DMXL1: variants seen among roughly 807,000 people sequenced by gnomAD.
The protein encoded by DMXL1 is dmX-like protein 1.
DMXL1 carries 99 observed loss-of-function variants against 319.2 expected under a neutral mutation model. The ratio of observed to expected loss-of-function variants is 0.31; its 90% CI spans 0.26 to 0.37. The LOEUF is 0.37. DMXL1 is among the 10% of genes least tolerant of loss of function. The pLI is 1.00. For missense variants in DMXL1, 3,745 were observed against 3,595.6 expected (o/e 1.04, Z -1.06); for synonymous variants, 1,385 against 1,235.2 (o/e 1.12, Z -2.54).
chr5:119,089,263 C>CATAT (rs577898951), intron 1 of DMXL1, among the ~76,000 whole-genome samples: 94 of 80,880 alleles, frequency 1.2e-3, no homozygotes, highest in African/African-American at 4.4e-3. Flanking sequence ...ATTATATATG[C>CATAT]ATATATATAT....
intron 1 of DMXL1, among the ~76,000 whole-genome samples, chr5:119,091,433 A>C (rs920265691): frequency 6.6e-6 from 1 of 152,016 alleles, no homozygotes; most frequent in Non-Finnish European, 1.5e-5. Flanking sequence ...CCTGGTTTCA[A>C]ACTCCTAGGC....
intron 2 of DMXL1, 82 bp downstream of exon 2, chr5:119,098,186 T>A (rs1756415957): frequency 2.1e-6 from 3 of 1,460,204 alleles, no homozygotes; most frequent in Admixed American, 2.4e-5. Context: ...TATTTCCTAT[T>A]GAATTAGAGA....
chr5:119,071,433 G>A lies in DMXL1; in HGVS notation c.-137G>A. ...CGCGGGCCCCAGCTGAGCGGCTCCG[G>A]CTCCAGGCGCCTGTCGCTGCTTCTG... is the stretch of plus-strand genomic sequence containing the variant. On this transcript the variant is annotated 5_prime_UTR_variant, in exon 1 of 44. Transcript: ENST00000539542. 1.2e-6 allele frequency: 1 copy of A among 855,236 alleles called. No individual in the cohort carries two copies. Among genetic ancestry groups the A allele is most frequent in the East Asian group, 2.8e-5 (1 of 35,584 alleles). 53.0% of individuals were successfully genotyped at this position (855,236 alleles called of 1,614,324 possible).
chr5:119,233,493 A>G, intron 39 of DMXL1, 26 bp downstream of exon 39: 2 of 1,594,668 alleles, frequency 1.3e-6, no homozygotes, highest in Middle Eastern at 1.7e-4. Flanking sequence ...GTAAATGGTA[A>G]AAAATTTATT....
chr5:119,104,698 G>A (rs527778205), intron 3 of DMXL1, among the ~76,000 whole-genome samples: 1 of 152,228 alleles, frequency 6.6e-6, no homozygotes, highest in South Asian at 2.1e-4. Context: ...CTGATTTGCA[G>A]GCAGAAAAAA....
intron 26 of DMXL1, 81 bp from the exon 27 acceptor site, chr5:119,177,276 G>A (rs1471115342): frequency 4.0e-6 from 4 of 995,678 alleles, no homozygotes; most frequent in Admixed American, 3.4e-5. Flanking sequence ...AACAAAAATT[G>A]ATACTCTTGA....
intron 14 of DMXL1, 22 bp from the exon 15 acceptor site, chr5:119,144,514 G>T (rs769652013): frequency 2.6e-6 from 4 of 1,533,592 alleles, no homozygotes; most frequent in Non-Finnish European, 2.7e-6. Flanking sequence ...GTCAACTTAC[G>T]TTGATATTTA....
rs1760384944 is a variant in DMXL1 at position 119,114,491 on chromosome 5, C to T, written c.514C>T (p.His172Tyr). Residue 172 changes from histidine (H) to tyrosine (Y), a missense_variant, in exon 6 of 44, where the codon CAT becomes TAT. His to Tyr is a moderately conservative substitution (Grantham distance 83). Coordinates refer to ENST00000539542, the MANE Select transcript of DMXL1 (RefSeq NM_001290321.3). ...IWHCKTASQV[H>Y]LMKFSPDGEF... ...AATTTACAGAACTGCTTCCCAAGTT[C>T]ATTTAATGAAATTTTCACCAGATGG... The T allele has an allele frequency of 6.2e-7, 1 of 1,608,394 alleles. No homozygotes were observed. The highest frequency in any genetic ancestry group is 1.3e-5 in the African/African-American group (1 of 74,764).
intron 32 of DMXL1, among the ~76,000 whole-genome samples, chr5:119,199,578 A>C (rs185855277): frequency 6.6e-6 from 1 of 152,196 alleles, no homozygotes; most frequent in Non-Finnish European, 1.5e-5. Context: ...CTAGGTATAT[A>C]CCCAGTAATG....
intron 1 of DMXL1, among the ~76,000 whole-genome samples, chr5:119,073,359 G>A (rs2149650579): frequency 6.6e-6 from 1 of 152,270 alleles, no homozygotes; most frequent in Non-Finnish European, 1.5e-5. Context: ...ACCATGCCCA[G>A]CCCTAAGAAT....
chr5:119,092,040 T>C (rs1476098334), intron 1 of DMXL1, among the ~76,000 whole-genome samples: 1 of 152,176 alleles, frequency 6.6e-6, no homozygotes, highest in Non-Finnish European at 1.5e-5. Flanking sequence ...ATAATCTCCC[T>C]TTTTCCAGTG....
At chr5:119,095,092 C>T (rs754211867) in intron 1 of DMXL1, among the ~76,000 whole-genome samples, 5 of 152,096 alleles carry the variant, frequency 3.3e-5, no homozygotes, top group South Asian at 2.1e-4. Context: ...TGGACCCAAG[C>T]GACTCACCTG....
In DMXL1 at chr5:119,071,991, A is replaced by G. The variant is rs116414411; in HGVS notation, c.87+335A>G. On this transcript the variant is annotated intron_variant, in intron 1 of 43. Transcript: ENST00000539542. ...GTTGGGGGCTTTTTTATACCATTCT[A>G]TAGGTTCAAATTGTCAAATTTAGGA... 1.9e-3 allele frequency among the ~76,000 whole-genome samples: 283 copies of G among 152,160 alleles called. 1 individual carries two copies. Among genetic ancestry groups the G allele is most frequent in the African/African-American group, 6.5e-3 (268 of 41,508 alleles).
At chr5:119,236,460 T>C (rs1787774113) in intron 39 of DMXL1, 2 of 152,146 alleles carry the variant, frequency 1.3e-5, no homozygotes, top group Non-Finnish European at 2.9e-5. Flanking sequence ...AGTTTTAAAT[T>C]GTAATACCAC....
chr5:119,122,164 G>T (rs1240459873), intron 9 of DMXL1, among the ~76,000 whole-genome samples: 9 of 140,818 alleles, frequency 6.4e-5, no homozygotes, highest in African/African-American at 2.1e-4. Flanking sequence ...CTCCCAGACG[G>T]GGCGGCTGGC....
chr5:119,102,156 A>T, intron 3 of DMXL1, 150 bp downstream of exon 3: 1 of 459,366 alleles, frequency 2.2e-6, no homozygotes, highest in South Asian at 4.7e-5. Flanking sequence ...TTAAAAATAT[A>T]TTTAAATTTT....
intron 28 of DMXL1, among the ~76,000 whole-genome samples, chr5:119,188,083 TTC>T (rs1415080313): frequency 1.3e-5 from 2 of 152,374 alleles, no homozygotes; most frequent in East Asian, 3.9e-4. Context: ...TTTCAAATGT[TTC>T]TGTCTTTAAA....
intron 38 of DMXL1, among the ~76,000 whole-genome samples, chr5:119,229,188 T>A (rs1786188046): frequency 6.7e-6 from 1 of 148,618 alleles, no homozygotes; most frequent in Non-Finnish European, 1.5e-5. Context: ...AAAAACAAAA[T>A]CTCGATTTTG....
chr5:119,181,853 A>G (rs1397525590), intron 28 of DMXL1, among the ~76,000 whole-genome samples: 1 of 152,164 alleles, frequency 6.6e-6, no homozygotes, highest in Middle Eastern at 3.2e-3. Flanking sequence ...AGGAAAGGAA[A>G]GAAGCGAAGA....
Sources: allele counts gnomAD v4.1 joint callset (sites outside exome capture counted in the v4.1 genomes callset), GRCh38; gene constraint gnomAD v4.1.1; transcripts MANE v1.5; gene names NCBI Gene and HGNC (gene_info 2026-07-23, HGNC 2026-07-21).